Variants in SETBP1 observed in about 807,000 individuals in gnomAD.
SETBP1 encodes SET-binding protein.
Under a neutral mutation model 101.0 loss-of-function variants are expected in SETBP1, and 9 were observed. That is an observed-to-expected ratio of 0.09 (90% CI 0.05 to 0.16). The LOEUF (loss-of-function observed/expected upper bound fraction) is 0.16, where lower values mean the gene tolerates loss of function less well. Ranked by LOEUF, SETBP1 falls within the 10% of genes least tolerant of loss-of-function variation. SETBP1 has a pLI of 1.00. For missense variants in SETBP1, 1,858 were observed against 2,033.8 expected (o/e 0.91, Z 1.66); for synonymous variants, 818 against 788.5 (o/e 1.04, Z -0.63).
chr18:45,015,235 T>C lies in SETBP1; in HGVS notation c.4001-23250T>C, dbSNP rs565946968. Among the ~76,000 whole-genome samples the C allele has an allele frequency of 2.6e-5, 4 of 152,264 alleles. No homozygotes were observed. The East Asian group carries it at 7.7e-4, about 29-fold the overall frequency. ...TAGAATAAAATCAACTTCTCAAAAG[T>C]CGTATTTCCACTCTCTACTCTAGGG... On this transcript the variant is annotated intron_variant, in intron 4 of 5. Transcript: ENST00000649279.
chr18:44,722,755 G>T (rs2069627956), intron 2 of SETBP1, among the ~76,000 whole-genome samples: 1 of 152,204 alleles, frequency 6.6e-6, no homozygotes, highest in South Asian at 2.1e-4. Context: ...GCTTGTAGAA[G>T]GCTGATGATT....
chr18:44,775,058 T>C (rs751401037), intron 2 of SETBP1, among the ~76,000 whole-genome samples: 4 of 152,254 alleles, frequency 2.6e-5, no homozygotes, highest in Non-Finnish European at 5.9e-5. Context: ...AAAATGCTGA[T>C]ACCTTCAAAT....
intron 2 of SETBP1, among the ~76,000 whole-genome samples, chr18:44,773,707 G>C (rs1020573266): frequency 6.6e-6 from 1 of 151,970 alleles, no homozygotes; most frequent in Non-Finnish European, 1.5e-5. Context: ...CAACCACTGG[G>C]GGCCTGCAGA....
At chr18:45,031,613 G>A (rs2073299108) in intron 4 of SETBP1, among the ~76,000 whole-genome samples, 1 of 152,172 alleles carries the variant, frequency 6.6e-6, no homozygotes, top group Non-Finnish European at 1.5e-5. Flanking sequence ...GGCTAAAGTA[G>A]TTAGTGCAGT....
At chr18:45,029,575 G>A (rs563826565) in intron 4 of SETBP1, among the ~76,000 whole-genome samples, 10 of 152,214 alleles carry the variant, frequency 6.6e-5, no homozygotes, top group African/African-American at 2.4e-4. Flanking sequence ...TGATGGGGAT[G>A]GCATTGAATC....
intron 2 of SETBP1, among the ~76,000 whole-genome samples, chr18:44,790,842 C>CTTTG (rs112188338): frequency 0.12 from 18,384 of 148,814 alleles, 1,434 homozygotes; most frequent in African/African-American, 0.24. Context: ...GAAGCCTAAA[C>CTTTG]TTTGGGGAGA....
intron 2 of SETBP1, among the ~76,000 whole-genome samples, chr18:44,825,546 T>G (rs931406241): frequency 3.9e-5 from 6 of 152,214 alleles, no homozygotes; most frequent in Non-Finnish European, 8.8e-5. Context: ...CCTCTTGAAA[T>G]GTAAAGGATA....
At chr18:44,830,118 G>T (rs1446284016) in intron 2 of SETBP1, among the ~76,000 whole-genome samples, 1 of 152,012 alleles carries the variant, frequency 6.6e-6, no homozygotes, top group Non-Finnish European at 1.5e-5. Context: ...CTAAATAATT[G>T]GGTTCTTGAT....
chr18:44,880,933 A>G (rs1343883029), intron 3 of SETBP1, among the ~76,000 whole-genome samples: 1 of 152,226 alleles, frequency 6.6e-6, no homozygotes, highest in Admixed American at 6.5e-5. Context: ...GTGTAAATAC[A>G]GTCTGTGTGC....
chr18:44,713,344 G>A (rs1188391909), intron 2 of SETBP1, among the ~76,000 whole-genome samples: 4 of 152,056 alleles, frequency 2.6e-5, no homozygotes, highest in South Asian at 2.1e-4. Flanking sequence ...TTCACGGGGG[G>A]GGACGTGCCA....
At chr18:45,007,802 C>T (rs550022118) in intron 4 of SETBP1, among the ~76,000 whole-genome samples, 1 of 152,272 alleles carries the variant, frequency 6.6e-6, no homozygotes, top group South Asian at 2.1e-4. Context: ...GATGCAGTAA[C>T]CTTTGAAGCT....
intron 3 of SETBP1, chr18:44,877,464 T>C (rs938611605): frequency 1.3e-6 from 1 of 786,322 alleles, no homozygotes; most frequent in Non-Finnish European, 1.5e-6. Context: ...ATATTTGTAA[T>C]AGGAATAATG....
At chr18:44,741,523 C>T (rs529005412) in intron 2 of SETBP1, among the ~76,000 whole-genome samples, 4 of 152,198 alleles carry the variant, frequency 2.6e-5, no homozygotes, top group African/African-American at 9.6e-5. Flanking sequence ...CTATTTTTTA[C>T]CATCATCTTT....
chr18:45,027,217 C>G (rs2073184810), intron 4 of SETBP1, among the ~76,000 whole-genome samples: 1 of 152,126 alleles, frequency 6.6e-6, no homozygotes, highest in South Asian at 2.1e-4. Flanking sequence ...AAAATGTTAT[C>G]TCCTCAGTCT....
At chr18:44,748,137 G>A (rs1053027643) in intron 2 of SETBP1, among the ~76,000 whole-genome samples, 5 of 151,922 alleles carry the variant, frequency 3.3e-5, no homozygotes, top group Non-Finnish European at 5.9e-5. Context: ...TCCCACTAGA[G>A]GAAGAAATGG....
chr18:44,951,373 T>G lies in SETBP1; in HGVS notation c.2033T>G (p.Leu678Trp). 2 of 1,614,098 alleles carry G rather than the reference T, an allele frequency of 1.2e-6. No homozygotes were observed. Among genetic ancestry groups the G allele is most frequent in the Non-Finnish European group, 1.7e-6 (2 of 1,180,042 alleles). ...AAGACACTCAAGAGGAAAAACATCT[T>G]GAATCAGATCTTGTCCTGTTCCAGC... Reference protein sequence around the residue: ...KMKTLKRKNILNQILSCSSSV... With the variant: ...KMKTLKRKNIWNQILSCSSSV... The change falls in exon 4 of 6, where the codon TTG (leucine) becomes TGG (tryptophan). Residue 678 changes from leucine to tryptophan, a missense_variant. Coordinates refer to ENST00000649279, the MANE Select transcript of SETBP1 (RefSeq NM_015559.3). This position sits in a 1 kb window ranked among gnomAD's most constrained non-coding sequence, Gnocchi z 7.8.
At chr18:44,803,037 T>C (rs1363073803) in intron 2 of SETBP1, among the ~76,000 whole-genome samples, 1 of 152,068 alleles carries the variant, frequency 6.6e-6, no homozygotes, top group African/African-American at 2.4e-5. Flanking sequence ...CAGAGCCCCA[T>C]GCGGAGTTAA....
intron 3 of SETBP1, among the ~76,000 whole-genome samples, chr18:44,945,163 A>G (rs1433552446): frequency 6.6e-6 from 1 of 152,158 alleles, no homozygotes; most frequent in Non-Finnish European, 1.5e-5. Flanking sequence ...GCCCACCACC[A>G]AAAGAAACTA....
chr18:44,849,775 T>C (rs1806423159), intron 2 of SETBP1, among the ~76,000 whole-genome samples: 1 of 152,132 alleles, frequency 6.6e-6, no homozygotes, highest in Non-Finnish European at 1.5e-5. Context: ...TCAGATCCCA[T>C]ACCTTCAAAA....
Sources: allele counts gnomAD v4.1 joint callset (sites outside exome capture counted in the v4.1 genomes callset), GRCh38; gene constraint gnomAD v4.1.1; non-coding constraint Gnocchi (gnomAD v3.1); transcripts MANE v1.5; gene names NCBI Gene and HGNC (gene_info 2026-07-23, HGNC 2026-07-21).